The following PLEKHH3 variants were observed in gnomAD, a reference collection of about 807,000 sequenced individuals.
The protein encoded by PLEKHH3 is pleckstrin homology domain-containing family H member 3.
Under a neutral mutation model 77.8 loss-of-function variants are expected in PLEKHH3, and 57 were observed. The observed-to-expected ratio is 0.73, with a 90% confidence interval of 0.59 to 0.91. PLEKHH3 has a LOEUF of 0.91. Among genes scored for constraint, PLEKHH3 ranks in the 40% least tolerant of loss-of-function variants. PLEKHH3 has a pLI of 0.00. For missense variants in PLEKHH3, 1,082 were observed against 1,091.2 expected (o/e 0.99, Z 0.12); for synonymous variants, 467 against 504.8 (o/e 0.93, Z 1.00).
intron 3 of PLEKHH3, 33 bp from the exon 4 acceptor site, chr17:42,673,867 G>A (rs2052761293): frequency 6.2e-7 from 1 of 1,608,916 alleles, no homozygotes; most frequent in Non-Finnish European, 8.5e-7. Flanking sequence ...AGGGACATCA[G>A]TAGAGACATT....
intron 10 of PLEKHH3, 66 bp from the exon 11 acceptor site, chr17:42,670,442 G>A (rs1005946278): frequency 6.1e-6 from 9 of 1,465,862 alleles, no homozygotes; most frequent in East Asian, 2.5e-5. Context: ...ACGCCTCGCG[G>A]AATCTGAGCA....
chr17:42,669,720 C>G (rs1252489502), intron 11 of PLEKHH3, 99 bp from the exon 12 acceptor site: 1 of 1,463,188 alleles, frequency 6.8e-7, no homozygotes, highest in African/African-American at 1.4e-5. Flanking sequence ...CCTGATCCCC[C>G]TATGATTCAC....
In PLEKHH3 at chr17:42,671,516, C is replaced by T; in HGVS notation, c.1119G>A (p.Ala373=). 1 of 1,612,840 alleles carries T rather than the reference C, an allele frequency of 6.2e-7. No homozygotes were observed. Among genetic ancestry groups the T allele is most frequent in the Non-Finnish European group, 8.5e-7 (1 of 1,179,876 alleles). The part of the protein sequence containing the change: ...ALPDSELAEY[A]RFIRKALGRT... ...GGCCCAGCGCTTTCCGGATGAAGCGCGCATATTCCGCCAGTTCCGAGTCCG... is the reference window on the plus strand; with the variant it reads ...GGCCCAGCGCTTTCCGGATGAAGCGTGCATATTCCGCCAGTTCCGAGTCCG... Residue 373 remains alanine (A), a synonymous_variant, in exon 8 of 13, where the codon GCG becomes GCA. Coordinates refer to ENST00000591022, the MANE Select transcript of PLEKHH3 (RefSeq NM_024927.5). This position sits in a 1 kb window ranked among gnomAD's most constrained non-coding sequence, Gnocchi z 4.7.
At position 42,669,497 on chromosome 17, in the gene PLEKHH3, T is replaced by C; in HGVS notation, c.2138A>G (p.Gln713Arg). 1 of 1,605,102 alleles carries C rather than the reference T, an allele frequency of 6.2e-7. No homozygotes were observed. The highest frequency in any genetic ancestry group is 8.5e-7 in the Non-Finnish European group (1 of 1,173,874). ...GGCCAGGGTGTGGGGGCCCATTAGC[T>C]GGCAGGCGGCCACATGGCCATAGCT... is the stretch of plus-strand genomic sequence containing the variant. ...SVSYGHVAAC[Q>R]LMGPHTLALR... Residue 713 changes from glutamine (Q) to arginine (R), a missense_variant, in exon 12 of 13, where the codon CAG (glutamine) becomes CGG (arginine). By Grantham distance (43) the Gln-to-Arg change is conservative. This residue lies in a region of PLEKHH3 where 733 missense variants were observed against 750.0 expected (regional missense o/e 0.98). Coordinates refer to ENST00000591022, the MANE Select transcript of PLEKHH3 (RefSeq NM_024927.5).
Position 42,669,592 on chromosome 17 carries a change from C to T in PLEKHH3, c.2043G>A (p.Leu681=), listed in dbSNP as rs2052637305. The T allele has an allele frequency of 1.2e-6, 2 of 1,610,290 alleles. No homozygotes were observed. Among genetic ancestry groups the T allele is most frequent in the Non-Finnish European group, 1.7e-6 (2 of 1,177,584 alleles). The stretch of plus-strand genomic sequence containing the variant: ...TGGCCTTGGCTCCCAAGCCCAGGCA[C>T]AGCTTCTGTGGAGCACCCCGACCAG... ...TEPGRGAPQK[L]CLGLGAKAMS... The change falls in exon 12 of 13, where the codon CTG becomes CTA. Residue 681 remains leucine, a synonymous_variant. Transcript: ENST00000591022.
chr17:42,669,368 G>A (rs1051041427), intron 12 of PLEKHH3, 62 bp downstream of exon 12: 64 of 1,454,582 alleles, frequency 4.4e-5, no homozygotes, highest in Non-Finnish European at 5.7e-5. Context: ...TTGGTGTTCT[G>A]TAAATGCTTC....
rs866835052 is a variant in PLEKHH3, at chr17:42,668,303, C to T, written c.2206G>A (p.Val736Met). Residue 736 changes from valine (V) to methionine (M), a missense_variant and splice_region_variant, in exon 13 of 13, where the codon GTG (valine) becomes ATG (methionine). Physicochemically the swap from Val to Met is conservative, Grantham distance 21 (BLOSUM62 1). This residue lies in a region of PLEKHH3 where 733 missense variants were observed against 750.0 expected (regional missense o/e 0.98). Transcript: ENST00000591022. ...TTCACCAGCTGCATGATCTCTTCCA[C>T]CTAAGAGAGGGCAGAGGTCAGTGTG... is the stretch of plus-strand genomic sequence containing the variant. The part of the protein sequence containing the change: ...ESQLLLQSPQ[V>M]EEIMQLVNAY... 1.3e-6 allele frequency: 2 copies of T among 1,539,864 alleles called. No individual in the cohort carries two copies. The highest frequency in any genetic ancestry group is 1.4e-5 in the African/African-American group (1 of 69,578).
intron 12 of PLEKHH3, chr17:42,669,073 A>G (rs2052625955): frequency 5.8e-6 from 1 of 173,564 alleles, no homozygotes; most frequent in East Asian, 1.5e-4. Context: ...GGCCTCCCAA[A>G]GTGCTGGGAT....
Position 42,670,069 on chromosome 17 carries a change from C to G in PLEKHH3, c.1862G>C (p.Gly621Ala). The change falls in exon 11 of 13, where the codon GGA (glycine) becomes GCA (alanine). Residue 621 changes from glycine (G) to alanine (A), a missense_variant. This residue lies in a region of PLEKHH3 where 733 missense variants were observed against 750.0 expected (regional missense o/e 0.98). Coordinates refer to ENST00000591022, the MANE Select transcript of PLEKHH3 (RefSeq NM_024927.5). Reference protein sequence around the residue: ...RTAGSIAREGGGGAGTAAAVL... With the variant: ...RTAGSIAREGAGGAGTAAAVL... Reference sequence around the variant, plus strand: ...GGCAGCTGCCGTGCCGGCGCCGCCTCCTCCCTCGCGGGCAATGCTTCCCGC... The same window carrying G: ...GGCAGCTGCCGTGCCGGCGCCGCCTGCTCCCTCGCGGGCAATGCTTCCCGC... 6.8e-7 allele frequency: 1 copy of G among 1,464,630 alleles called. No individual in the cohort carries two copies. The highest frequency in any genetic ancestry group is 1.5e-5 in the African/African-American group (1 of 67,660). The allele number at this position is 1,464,630 out of a possible 1,614,324, so 90.7% of individuals were successfully genotyped here.
intron 1 of PLEKHH3, chr17:42,674,748 C>G (rs141734601): frequency 0.01 from 2,943 of 287,252 alleles, 30 homozygotes; most frequent in South Asian, 0.051. Flanking sequence ...CACTGTGGAA[C>G]CTTGGGCAAG....
In PLEKHH3 at chr17:42,673,558, T is replaced by TG. The variant is rs1212926665; in HGVS notation, c.491-3dup. ...CAGACACAGTCACTGACCACAGACC[T>TG]GGGGAAAAGAGAGGCCAGGGAGGGC... On this transcript the variant is annotated splice_region_variant and splice_polypyrimidine_tract_variant and intron_variant, in intron 4 of 12. Transcript: ENST00000591022. The TG allele has an allele frequency of 6.3e-7, 1 of 1,588,888 alleles. No homozygotes were observed. The highest frequency in any genetic ancestry group is 8.5e-7 in the Non-Finnish European group (1 of 1,169,914).
intron 9 of PLEKHH3, 46 bp downstream of exon 9, chr17:42,670,948 G>A (rs1460678735): frequency 2.6e-5 from 42 of 1,589,468 alleles, no homozygotes; most frequent in Non-Finnish European, 3.6e-5. Flanking sequence ...CCTCAGCTGA[G>A]AAGTGGATGG....
chr17:42,672,984 G>A (rs557023273), intron 6 of PLEKHH3, among the ~76,000 whole-genome samples, 192 bp downstream of exon 6: 6 of 152,274 alleles, frequency 3.9e-5, no homozygotes, highest in South Asian at 2.1e-4. Context: ...GTGGCCAAAG[G>A]GGGCCCTTTT....
chr17:42,668,192 T>C lies in PLEKHH3; in HGVS notation c.2317A>G (p.Ser773Gly), dbSNP rs774592703. The change falls in exon 13 of 13, where the codon AGC becomes GGC. Residue 773 changes from serine to glycine, a missense_variant. This residue lies in a region of PLEKHH3 where 733 missense variants were observed against 750.0 expected (regional missense o/e 0.98). Transcript: ENST00000591022. ...CQDLPDTSPPSQRPGLDEPQG... is the reference protein window; with the variant it reads ...CQDLPDTSPPGQRPGLDEPQG... The stretch of plus-strand genomic sequence containing the variant: ...GGCTCGTCCAGGCCCGGGCGCTGGC[T>C]GGGAGGGGAGGTGTCTGGCAGGTCT... 2 of 1,553,768 alleles carry C rather than the reference T, an allele frequency of 1.3e-6. No homozygotes were observed. The highest frequency in any genetic ancestry group is 8.6e-7 in the Non-Finnish European group (1 of 1,156,316).
In PLEKHH3 at chr17:42,671,162, G is replaced by A; in HGVS notation, c.1285-32C>T. 6.5e-7 allele frequency: 1 copy of A among 1,545,602 alleles called. No individual in the cohort carries two copies. The highest frequency in any genetic ancestry group is 1.2e-5 in the South Asian group (1 of 82,454). ...GAGGAGGGTGAGGGGAGACCACTCA[G>A]AGGTCTTGCCAGGATTCTGGGAGGG... On this transcript the variant is annotated intron_variant, in intron 8 of 12. Transcript: ENST00000591022. This position sits in a 1 kb window ranked among gnomAD's most constrained non-coding sequence, Gnocchi z 4.7.
Position 42,676,776 on chromosome 17 carries a change from G to C in PLEKHH3, c.-213C>G, listed in dbSNP as rs886192632. The C allele has an allele frequency of 1.0e-4, 63 of 603,390 alleles. No individual in the cohort carries two copies. The highest frequency in any genetic ancestry group is 1.0e-3 in the South Asian group (51 of 50,218). The allele number at this position is 603,390 out of a possible 1,614,324, so 37.4% of individuals were successfully genotyped here. On this transcript the variant is annotated 5_prime_UTR_variant, in exon 1 of 13. Coordinates refer to ENST00000591022, the MANE Select transcript of PLEKHH3 (RefSeq NM_024927.5). The surrounding 1 kb of genome is among the most constrained non-coding windows in gnomAD (Gnocchi z 6.6). ...GGCTCAGTGTCTGGGCCCCCGGAGG[G>C]GGGAGGGGGAAAAGCGTCCAGGGCC...
At chr17:42,668,821 G>T (rs111467962) in intron 12 of PLEKHH3, 1,452 of 15,896 alleles carry the variant, frequency 0.091, 21 homozygotes, top group East Asian at 0.41. Context: ...ATTTTTTTTT[G>T]TTGTTGTTGT....
Position 42,669,962 on chromosome 17 carries a change from G to A in PLEKHH3, c.1969C>T (p.Pro657Ser), listed in dbSNP as rs2052647596. Residue 657 changes from proline to serine, a missense_variant, in exon 11 of 13, where the codon CCG becomes TCG. Pro to Ser is a moderately conservative substitution (Grantham distance 74). Coordinates refer to ENST00000591022, the MANE Select transcript of PLEKHH3 (RefSeq NM_024927.5). The stretch of plus-strand genomic sequence containing the variant: ...TCATACCGAGCAGCGCCGAACCCCG[G>A]ACACTGCGCCGCCAGGGCCAGGTAG... Reference protein sequence around the residue: ...AAYLALAAQCPGFGAARYDVL... With the variant: ...AAYLALAAQCSGFGAARYDVL... 3 of 1,613,002 alleles carry A rather than the reference G, an allele frequency of 1.9e-6. No individual in the cohort carries two copies. Among genetic ancestry groups the A allele is most frequent in the Non-Finnish European group, 2.5e-6 (3 of 1,179,868 alleles).
At position 42,670,671 on chromosome 17, in the gene PLEKHH3, G is replaced by C; in HGVS notation, c.1456C>G (p.Pro486Ala). 6.2e-7 allele frequency: 1 copy of C among 1,613,114 alleles called. No individual in the cohort carries two copies. The highest frequency in any genetic ancestry group is 8.5e-7 in the Non-Finnish European group (1 of 1,179,832). The change falls in exon 10 of 13, where the codon CCC becomes GCC. Residue 486 changes from proline (P) to alanine (A), a missense_variant. Coordinates refer to ENST00000591022, the MANE Select transcript of PLEKHH3 (RefSeq NM_024927.5). ...AGACATAGTCTCCACCCGGAGTCGG[G>C]CGAGTCCTCCAACCCAGCTTCCTCC... ...AAEEAGLEDS[P>A]DSGWRLCLRL...
Sources: allele counts gnomAD v4.1 joint callset (sites outside exome capture counted in the v4.1 genomes callset), GRCh38; gene constraint gnomAD v4.1.1; regional missense constraint gnomAD v4.1.1; non-coding constraint Gnocchi (gnomAD v3.1); transcripts MANE v1.5; gene names NCBI Gene and HGNC (gene_info 2026-07-23, HGNC 2026-07-21).